CYB5D2: variants seen among roughly 807,000 people sequenced by gnomAD.
CYB5D2 encodes the protein neuferricin.
In CYB5D2, 23 loss-of-function variants were observed where a neutral mutation model predicts 22.8. The ratio of observed to expected loss-of-function variants is 1.01; its 90% CI spans 0.73 to 1.43. CYB5D2 has a LOEUF of 1.43. CYB5D2 is among the 40% of genes most tolerant of loss of function. CYB5D2 has a pLI of 0.00. For synonymous variants in CYB5D2, 170 were observed against 152.2 expected (o/e 1.12, Z -0.86); for missense variants, 373 against 357.2 (o/e 1.04, Z -0.36).
At chr17:4,152,436 C>A (rs1420248955) in intron 2 of CYB5D2, among the ~76,000 whole-genome samples, 1 of 152,190 alleles carries the variant, frequency 6.6e-6, no homozygotes, top group Non-Finnish European at 1.5e-5. Context: ...ATCTTGGCAG[C>A]CAACATGGCC....
chr17:4,146,243 G>A (rs1161169674), intron 1 of CYB5D2, among the ~76,000 whole-genome samples: 4 of 150,620 alleles, frequency 2.7e-5, no homozygotes, highest in Non-Finnish European at 5.9e-5. Context: ...ACAGGCGTGT[G>A]CCACCATGTC....
chr17:4,145,620 A>G (rs1202809611), intron 1 of CYB5D2, among the ~76,000 whole-genome samples: 1 of 151,980 alleles, frequency 6.6e-6, no homozygotes, highest in African/African-American at 2.4e-5. Flanking sequence ...ATCTTTATTT[A>G]CCACTACCTA....
chr17:4,144,097 C>T (rs1188722764), intron 1 of CYB5D2, 92 bp downstream of exon 1: 12 of 1,457,770 alleles, frequency 8.2e-6, no homozygotes, highest in African/African-American at 1.4e-5. Flanking sequence ...CATCTATTTC[C>T]CCCCCCATCC....
chr17:4,149,306 C>T (rs1328879346), intron 1 of CYB5D2, among the ~76,000 whole-genome samples: 5 of 152,110 alleles, frequency 3.3e-5, no homozygotes, highest in African/African-American at 1.2e-4. Flanking sequence ...GGCTGGTAGA[C>T]AGTGAGGAGC....
intron 2 of CYB5D2, among the ~76,000 whole-genome samples, chr17:4,153,024 C>T (rs140668956): frequency 0.073 from 11,140 of 152,164 alleles, 495 homozygotes; most frequent in South Asian, 0.15. Context: ...GTGATCTGCC[C>T]GCCTCAGCCT....
chr17:4,144,262 T>C (rs146780137), intron 1 of CYB5D2, among the ~76,000 whole-genome samples: 141 of 152,238 alleles, frequency 9.3e-4, no homozygotes, highest in Admixed American at 2.4e-3. Flanking sequence ...CTGTCTCTTG[T>C]TACCCATTAC....
chr17:4,152,942 A>G (rs1472367712), intron 2 of CYB5D2, among the ~76,000 whole-genome samples: 1 of 151,908 alleles, frequency 6.6e-6, no homozygotes, highest in Non-Finnish European at 1.5e-5. Flanking sequence ...CACGCCCAGC[A>G]AATTTTTGTA....
chr17:4,157,065 T>C lies in CYB5D2; in HGVS notation c.778T>C (p.Cys260Arg), dbSNP rs751180574. 13 of 1,612,350 alleles carry C rather than the reference T, an allele frequency of 8.1e-6. No homozygotes were observed. In the South Asian group the frequency reaches 9.9e-5, roughly 12 times the overall value. Residue 260 changes from cysteine (C) to arginine (R), a missense_variant, in exon 4 of 4, where the codon TGC (cysteine) becomes CGC (arginine). Cys to Arg is a radical substitution (Grantham distance 180). Coordinates refer to ENST00000301391, the MANE Select transcript of CYB5D2 (RefSeq NM_144611.4). The surrounding 1 kb of genome is among the most constrained non-coding windows in gnomAD (Gnocchi z 4.4). ...YTGCPPLAIT[C>R]SFPL ...AGGCTGCCCACCGCTAGCCATCACA[T>C]GCTCCTTTCCACTCTAAGCCGTAGC...
In CYB5D2 at chr17:4,143,581, C is replaced by T. The variant is rs1245607543; in HGVS notation, c.-175C>T. 3.9e-5 allele frequency: 33 copies of T among 852,790 alleles called. No homozygotes were observed. The highest frequency in any genetic ancestry group is 5.8e-5 in the Admixed American group (2 of 34,636). 52.8% of individuals were successfully genotyped at this position (852,790 alleles called of 1,614,324 possible). On this transcript the variant is annotated 5_prime_UTR_variant, in exon 1 of 4. Coordinates refer to ENST00000301391, the MANE Select transcript of CYB5D2 (RefSeq NM_144611.4). Reference sequence around the variant, plus strand: ...AAGTCGCAGACAGCGAGCTTTTCGCCAGTGCCAGGAATACAGATAAAACGA... The same window carrying T: ...AAGTCGCAGACAGCGAGCTTTTCGCTAGTGCCAGGAATACAGATAAAACGA...
Position 4,150,030 on chromosome 17 carries a change from T to G in CYB5D2, c.390T>G (p.Val130=), listed in dbSNP as rs1262410513. The change falls in exon 2 of 4, where the codon GTT becomes GTG. Residue 130 remains valine (V), a splice_region_variant and synonymous_variant. Transcript: ENST00000301391. ...LSFYEKNYVC[V]GRVTGRFYGE... is the part of the protein sequence containing the mutation. ...TCTATGAGAAGAATTATGTGTGTGT[T>G]GGTAAGTCGTCCATAGGTCATACAT... 1 of 1,613,978 alleles carries G rather than the reference T, an allele frequency of 6.2e-7. No individual in the cohort carries two copies. The highest frequency in any genetic ancestry group is 2.2e-5 in the East Asian group (1 of 44,890).
chr17:4,153,871 C>T (rs542109014), intron 2 of CYB5D2, among the ~76,000 whole-genome samples: 14 of 152,310 alleles, frequency 9.2e-5, no homozygotes, highest in Admixed American at 8.5e-4. Context: ...ACTTGGGAGA[C>T]GAGCTGAATC....
rs757966018 is a variant in CYB5D2, at chr17:4,156,964, C to T, written c.677C>T (p.Pro226Leu). 18 of 1,612,742 alleles carry T rather than the reference C, an allele frequency of 1.1e-5. No individual in the cohort carries two copies. The highest frequency in any genetic ancestry group is 1.7e-5 in the Admixed American group (1 of 60,004). The change falls in exon 4 of 4, where the codon CCT becomes CTT. Residue 226 changes from proline to leucine, a missense_variant. Coordinates refer to ENST00000301391, the MANE Select transcript of CYB5D2 (RefSeq NM_144611.4). Reference sequence around the variant, plus strand: ...GTGTGTGTGAGAACCACCGGCCCCCCTAGTGGCCAGATGCCGGACAACCCT... The same window carrying T: ...GTGTGTGTGAGAACCACCGGCCCCCTTAGTGGCCAGATGCCGGACAACCCT... ...RCVCVRTTGPPSGQMPDNPPH... is the reference protein window; with the variant it reads ...RCVCVRTTGPLSGQMPDNPPH...
chr17:4,146,150 C>T (rs891002125), intron 1 of CYB5D2, among the ~76,000 whole-genome samples: 6 of 152,172 alleles, frequency 3.9e-5, no homozygotes, highest in Non-Finnish European at 7.3e-5. Context: ...GGCTGGAGTG[C>T]GGTGGCGCAA....
chr17:4,147,226 G>T (rs990718598), intron 1 of CYB5D2, among the ~76,000 whole-genome samples: 1 of 152,086 alleles, frequency 6.6e-6, no homozygotes, highest in Non-Finnish European at 1.5e-5. Flanking sequence ...AGCCAAGATC[G>T]CACCACTGCA....
At chr17:4,146,429 C>T (rs959078265) in intron 1 of CYB5D2, among the ~76,000 whole-genome samples, 3 of 145,834 alleles carry the variant, frequency 2.1e-5, no homozygotes, top group Admixed American at 6.8e-5. Context: ...CTCACTCTGT[C>T]GCCCAGGCTA....
intron 1 of CYB5D2, among the ~76,000 whole-genome samples, chr17:4,144,701 G>A (rs748331639): frequency 2.0e-4 from 30 of 152,172 alleles, no homozygotes; most frequent in Non-Finnish European, 3.2e-4. Flanking sequence ...TGGTGTCCCT[G>A]TGTTACAGCT....
chr17:4,143,766 G>C lies in CYB5D2; in HGVS notation c.11G>C (p.Cys4Ser). The C allele has an allele frequency of 6.2e-7, 1 of 1,613,598 alleles. No homozygotes were observed. The highest frequency in any genetic ancestry group is 8.5e-7 in the Non-Finnish European group (1 of 1,179,876). MLR[C>S]GGRGLLLGLA... Reference sequence around the variant, plus strand: ...GGTGGGCCTATATAGATGTTGAGGTGCGGAGGCCGTGGGCTTTTGTTGGGC... The same window carrying C: ...GGTGGGCCTATATAGATGTTGAGGTCCGGAGGCCGTGGGCTTTTGTTGGGC... The change falls in exon 1 of 4, where the codon TGC becomes TCC. Residue 4 changes from cysteine (C) to serine (S), a missense_variant. Physicochemically the swap from Cys to Ser is moderately radical, Grantham distance 112. Coordinates refer to ENST00000301391, the MANE Select transcript of CYB5D2 (RefSeq NM_144611.4).
chr17:4,151,015 C>T (rs577062695), intron 2 of CYB5D2: 1 of 152,202 alleles, frequency 6.6e-6, no homozygotes, highest in Non-Finnish European at 1.5e-5. Context: ...ACTTCACCAT[C>T]GAAACAGGTC....
intron 1 of CYB5D2, among the ~76,000 whole-genome samples, chr17:4,148,732 G>T (rs1363957258): frequency 6.6e-6 from 1 of 152,098 alleles, no homozygotes; most frequent in Admixed American, 6.6e-5. Context: ...GCTGAGGCAG[G>T]CAAATCGCTT....
Sources: allele counts gnomAD v4.1 joint callset (sites outside exome capture counted in the v4.1 genomes callset), GRCh38; gene constraint gnomAD v4.1.1; non-coding constraint Gnocchi (gnomAD v3.1); transcripts MANE v1.5; gene names NCBI Gene and HGNC (gene_info 2026-07-23, HGNC 2026-07-21).